NFIA: variants seen among roughly 807,000 people sequenced by gnomAD.
The protein encoded by NFIA is nuclear factor I A, also known as nuclear factor 1 A-type.
Under a neutral mutation model 62.8 loss-of-function variants are expected in NFIA, and 8 were observed. That is an observed-to-expected ratio of 0.13 (90% CI 0.07 to 0.23). NFIA has a LOEUF of 0.23. Ranked by LOEUF, NFIA falls within the 10% of genes least tolerant of loss-of-function variation. The pLI, the probability that NFIA is intolerant of heterozygous loss-of-function variation, is 1.00. For synonymous variants in NFIA, 235 were observed against 238.1 expected, an observed-to-expected ratio of 0.99 and a Z score of 0.12; for missense variants, 410 against 642.1, an observed-to-expected ratio of 0.64 and a Z score of 3.91.
At chr1:61,389,618 A>G (rs1042187308) in intron 7 of NFIA, among the ~76,000 whole-genome samples, 1 of 152,094 alleles carries the variant, frequency 6.6e-6, no homozygotes, top group Admixed American at 6.5e-5. Flanking sequence ...TTCTCCCCCG[A>G]CTGGGAGAAA....
intron 2 of NFIA, among the ~76,000 whole-genome samples, chr1:61,106,933 TACAC>T (rs1646611646): frequency 6.6e-6 from 1 of 151,050 alleles, no homozygotes. Context: ...AAATCATATA[TACAC>T]ACATACATAT....
Position 61,457,808 on chromosome 1 carries a change from C to T in NFIA, c.*2488C>T, listed in dbSNP as rs1484952087. On this transcript the variant is annotated 3_prime_UTR_variant, in exon 11 of 11. Transcript: ENST00000403491. The surrounding 1 kb of genome is among the most constrained non-coding windows in gnomAD (Gnocchi z 4.2). ...CCTGCTTCAAGCAATTTTGTTTTTA[C>T]AACTGTTCCTTTCACAAGCAAGCCT... The T allele has an allele frequency of 6.6e-6, 1 of 150,890 alleles. No individual in the cohort carries two copies. Among genetic ancestry groups the T allele is most frequent in the African/African-American group, 2.5e-5 (1 of 40,794 alleles). 9.3% of individuals were successfully genotyped at this position (150,890 alleles called of 1,614,324 possible).
rs752605340 is a variant in NFIA at position 61,082,775 on chromosome 1, C to T, written c.-17C>T. ...CGCACACCCAGACGCACACGCATAC[C>T]CCAGCGCCCGGCAGTTATGTATTCT... On this transcript the variant is annotated 5_prime_UTR_variant, in exon 1 of 11. Coordinates refer to ENST00000403491, the MANE Select transcript of NFIA (RefSeq NM_001134673.4). 61 of 1,553,022 alleles carry T rather than the reference C, an allele frequency of 3.9e-5. No homozygotes were observed. Among genetic ancestry groups the T allele is most frequent in the Non-Finnish European group, 5.2e-5 (60 of 1,147,766 alleles).
At position 61,088,322 on chromosome 1, in the gene NFIA, C is replaced by G. The variant is rs1164340886; in HGVS notation, c.201C>G (p.Val67=). The part of the protein sequence containing the change: ...KDELLSEKPE[V]KQKWASRLLA... ...AATTGCTAAGTGAAAAACCAGAGGT[C>G]AAGCAGAAGTGGGCATCTCGACTTC... is the stretch of plus-strand genomic sequence containing the variant. Residue 67 remains valine (V), a synonymous_variant, in exon 2 of 11, where the codon GTC becomes GTG. Transcript: ENST00000403491. This position sits in a 1 kb window ranked among gnomAD's most constrained non-coding sequence, Gnocchi z 4.5. 1.2e-6 allele frequency: 2 copies of G among 1,613,074 alleles called. No homozygotes were observed. The highest frequency in any genetic ancestry group is 4.5e-5 in the East Asian group (2 of 44,786).
At chr1:61,448,011 T>C (rs1353494746) in intron 10 of NFIA, among the ~76,000 whole-genome samples, 3 of 152,170 alleles carry the variant, frequency 2.0e-5, no homozygotes, top group Admixed American at 2.0e-4. Flanking sequence ...GTTTTTCCCT[T>C]TTTTCCTCAC....
At chr1:61,137,928 TTC>T (rs150282644) in intron 2 of NFIA, among the ~76,000 whole-genome samples, 17 of 150,724 alleles carry the variant, frequency 1.1e-4, no homozygotes, top group Admixed American at 4.0e-4. Context: ...CACATTTTCT[TTC>T]TCTCTCTCTC....
chr1:61,417,766 GT>G (rs1308747793), intron 9 of NFIA, among the ~76,000 whole-genome samples: 17 of 152,236 alleles, frequency 1.1e-4, no homozygotes, highest in African/African-American at 3.6e-4. Context: ...AATGATTTTA[GT>G]GTTTTTCTTT....
intron 3 of NFIA, among the ~76,000 whole-genome samples, chr1:61,329,670 AT>A (rs913545615): frequency 5.3e-5 from 8 of 151,864 alleles, no homozygotes; most frequent in Non-Finnish European, 1.5e-5. Context: ...CCCTGCCGTA[AT>A]TTTTTTTACA....
intron 7 of NFIA, among the ~76,000 whole-genome samples, chr1:61,386,773 C>T (rs554059196): frequency 3.0e-4 from 45 of 152,340 alleles, no homozygotes; most frequent in Middle Eastern, 6.8e-3. Context: ...CGTAGCACAG[C>T]GGTTGTCCTT....
chr1:61,151,230 A>G (rs971604363), intron 2 of NFIA, among the ~76,000 whole-genome samples: 4 of 151,920 alleles, frequency 2.6e-5, no homozygotes, highest in Non-Finnish European at 4.4e-5. Flanking sequence ...TGTTTTTTTG[A>G]GACAGTCTCC....
At chr1:61,410,133 A>G (rs1666032983) in intron 9 of NFIA, among the ~76,000 whole-genome samples, 1 of 152,112 alleles carries the variant, frequency 6.6e-6, no homozygotes, top group Admixed American at 6.5e-5. Context: ...TTTACACAGG[A>G]TGACACCGGG....
At chr1:61,203,784 A>G (rs1274136800) in intron 2 of NFIA, among the ~76,000 whole-genome samples, 2 of 152,140 alleles carry the variant, frequency 1.3e-5, no homozygotes, top group Non-Finnish European at 2.9e-5. Flanking sequence ...TGGGTGCCCT[A>G]TAACTTTTGT....
chr1:61,153,447 C>T (rs915200665), intron 2 of NFIA, among the ~76,000 whole-genome samples: 2 of 152,292 alleles, frequency 1.3e-5, no homozygotes, highest in Admixed American at 6.5e-5. Flanking sequence ...TCAAGGACCT[C>T]AACTATTATT....
At chr1:61,368,954 A>G (rs967944327) in intron 6 of NFIA, among the ~76,000 whole-genome samples, 1 of 152,200 alleles carries the variant, frequency 6.6e-6, no homozygotes. Context: ...AACTGGTTAA[A>G]TAAGTACCCA....
intron 10 of NFIA, among the ~76,000 whole-genome samples, chr1:61,454,681 C>T (rs1295090631): frequency 1.3e-5 from 2 of 152,202 alleles, no homozygotes; most frequent in South Asian, 2.1e-4. Context: ...AGGAAAAATA[C>T]TGTGACTTGC....
At chr1:61,164,454 T>G (rs575038038) in intron 2 of NFIA, among the ~76,000 whole-genome samples, 102 of 152,030 alleles carry the variant, frequency 6.7e-4, no homozygotes, top group Admixed American at 2.1e-3. Context: ...TATGTGTTTT[T>G]TTTGTTTGTT....
At chr1:61,297,442 G>A (rs1269430440) in intron 3 of NFIA, among the ~76,000 whole-genome samples, 1 of 152,126 alleles carries the variant, frequency 6.6e-6, no homozygotes, top group African/African-American at 2.4e-5. Context: ...CAGAAAAATA[G>A]CCCCATTACC....
At chr1:61,422,537 A>C (rs1224830524) in intron 9 of NFIA, among the ~76,000 whole-genome samples, 1 of 152,174 alleles carries the variant, frequency 6.6e-6, no homozygotes, top group African/African-American at 2.4e-5. Context: ...TACCACAGGA[A>C]CAACAAAAAC....
chr1:61,432,224 T>C (rs1667127175), intron 10 of NFIA, among the ~76,000 whole-genome samples: 1 of 151,406 alleles, frequency 6.6e-6, no homozygotes, highest in African/African-American at 2.4e-5. Flanking sequence ...TCCCTATTTT[T>C]TTTTTTTTTT....
Sources: gnomAD v4.1 joint callset for allele counts (sites outside exome capture counted in the v4.1 genomes callset) on GRCh38, gnomAD v4.1.1 for gene constraint, Gnocchi (gnomAD v3.1) non-coding constraint, MANE v1.5 for transcripts, NCBI Gene and HGNC (gene_info 2026-07-23, HGNC 2026-07-21) for gene names.